SLCO2A1: variants seen among roughly 807,000 people sequenced by gnomAD.
The protein encoded by SLCO2A1 is solute carrier organic anion transporter family member 2A1.
In SLCO2A1, 60 loss-of-function variants were observed where a neutral mutation model predicts 71.7. The ratio of observed to expected loss-of-function variants is 0.84; its 90% confidence interval spans 0.68 to 1.04. The LOEUF is 1.04. Ranked by LOEUF, SLCO2A1 falls within the 50% of genes least tolerant of loss-of-function variation. The pLI, the probability that SLCO2A1 is intolerant of heterozygous loss-of-function variation, is 0.00. For synonymous variants in SLCO2A1, 308 were observed against 326.7 expected, an observed-to-expected ratio of 0.94 and a Z score of 0.62; for missense variants, 745 against 813.4, an observed-to-expected ratio of 0.92 and a Z score of 1.02.
intron 12 of SLCO2A1, among the ~76,000 whole-genome samples, chr3:133,937,618 G>A (rs949704835): frequency 3.9e-5 from 6 of 152,182 alleles, no homozygotes; most frequent in African/African-American, 1.2e-4. Flanking sequence ...AGTCAGAAAC[G>A]ACACCTTATA....
At chr3:133,946,164 C>A (rs898012329) in intron 9 of SLCO2A1, among the ~76,000 whole-genome samples, 3 of 151,874 alleles carry the variant, frequency 2.0e-5, no homozygotes, top group Admixed American at 2.0e-4. Context: ...AGCTCCCTAC[C>A]CCGAGCAACC....
intron 4 of SLCO2A1, among the ~76,000 whole-genome samples, chr3:133,954,731 TCCTGGAGGTGAGAAACCTGGGG>T: frequency 6.6e-6 from 1 of 152,166 alleles, no homozygotes; most frequent in South Asian, 2.1e-4. Context: ...ATCAGCCTCC[TCCTGGAGGTGAGAAACCTGGGG>T]CCCTGGGGTT....
intron 3 of SLCO2A1, among the ~76,000 whole-genome samples, chr3:133,959,398 A>G (rs745398481): frequency 1.8e-5 from 2 of 111,004 alleles, no homozygotes; most frequent in South Asian, 2.3e-4. Flanking sequence ...GGCTATTACC[A>G]AAAAAAAAAA....
intron 1 of SLCO2A1, among the ~76,000 whole-genome samples, chr3:133,997,641 A>T (rs1296804179): frequency 2.6e-5 from 4 of 152,190 alleles, no homozygotes; most frequent in Non-Finnish European, 5.9e-5. Flanking sequence ...GAAGGAACCA[A>T]CTCTGCCAAC....
chr3:133,966,501 C>A (rs555753670), intron 3 of SLCO2A1, among the ~76,000 whole-genome samples: 3 of 152,196 alleles, frequency 2.0e-5, no homozygotes, highest in Non-Finnish European at 1.5e-5. Flanking sequence ...CAAGAAGAGG[C>A]CAGGAAGGAG....
intron 1 of SLCO2A1, among the ~76,000 whole-genome samples, chr3:134,016,688 A>C (rs1935462040): frequency 6.6e-6 from 1 of 152,210 alleles, no homozygotes; most frequent in African/African-American, 2.4e-5. Flanking sequence ...ACACTTGAGC[A>C]TTTACCCTAG....
intron 3 of SLCO2A1, among the ~76,000 whole-genome samples, chr3:133,955,926 G>T (rs1159910194): frequency 1.3e-5 from 2 of 152,202 alleles, no homozygotes; most frequent in African/African-American, 4.8e-5. Flanking sequence ...CTTCTGTGAG[G>T]GTCCCAGACA....
chr3:133,942,085 C>T (rs1933437932), intron 11 of SLCO2A1, among the ~76,000 whole-genome samples: 1 of 152,230 alleles, frequency 6.6e-6, no homozygotes, highest in African/African-American at 2.4e-5. Flanking sequence ...CCTCCGCCTC[C>T]TGGGTTCAAG....
At chr3:134,026,054 C>T (rs1935695574) in intron 1 of SLCO2A1, among the ~76,000 whole-genome samples, 1 of 152,106 alleles carries the variant, frequency 6.6e-6, no homozygotes. Flanking sequence ...AGAATTAGTA[C>T]CTACAGACCC....
chr3:134,017,876 C>G (rs921072518), intron 1 of SLCO2A1, among the ~76,000 whole-genome samples: 4 of 152,186 alleles, frequency 2.6e-5, no homozygotes, highest in Non-Finnish European at 5.9e-5. Flanking sequence ...GTGCACATCT[C>G]AACGTTCCAA....
At chr3:133,942,540 A>C (rs1933451777) in intron 11 of SLCO2A1, 65 bp downstream of exon 11, 7 of 1,498,032 alleles carry the variant, frequency 4.7e-6, no homozygotes, top group African/African-American at 1.4e-5. Context: ...AACTAGGCGC[A>C]AAGTCAAAGG....
rs111891065 is a variant in SLCO2A1 at position 133,959,825 on chromosome 3, A to AC, written c.398-4633_398-4632insG. Among the ~76,000 whole-genome samples the AC allele has an allele frequency of 2.6e-5, 4 of 152,090 alleles. 1 individual carries two copies. The highest frequency in any genetic ancestry group is 9.6e-5 in the African/African-American group (4 of 41,484). On this transcript the variant is annotated intron_variant, in intron 3 of 13. Transcript: ENST00000310926. ...AGAGTGAGATCTTGTCTCAAAAAAAAATAAATACTAATGGGCCGGGTGCGG... is the reference window on the plus strand; with the variant it reads ...AGAGTGAGATCTTGTCTCAAAAAAAACATAAATACTAATGGGCCGGGTGCGG...
chr3:134,008,210 C>T, intron 1 of SLCO2A1, among the ~76,000 whole-genome samples: 1 of 152,224 alleles, frequency 6.6e-6, no homozygotes, highest in Non-Finnish European at 1.5e-5. Context: ...CTACCCCATT[C>T]TCTCTCACAA....
At chr3:133,952,776 G>A (rs1455078676) in intron 5 of SLCO2A1, among the ~76,000 whole-genome samples, 1 of 152,084 alleles carries the variant, frequency 6.6e-6, no homozygotes, top group Non-Finnish European at 1.5e-5. Context: ...ACTATCATTA[G>A]CTCCATTTTA....
intron 13 of SLCO2A1, among the ~76,000 whole-genome samples, chr3:133,935,545 C>A (rs1933246876): frequency 6.6e-6 from 1 of 152,170 alleles, no homozygotes; most frequent in Admixed American, 6.5e-5. Context: ...TCTGCTGCCC[C>A]TTCCAAGGGC....
chr3:133,942,118 C>T (rs560891861), intron 11 of SLCO2A1, among the ~76,000 whole-genome samples: 2 of 152,346 alleles, frequency 1.3e-5, no homozygotes, highest in African/African-American at 4.8e-5. Context: ...CTCAGCCTCC[C>T]AAGAAGCTGG....
Position 133,955,098 on chromosome 3 carries a change from CCTT to C in SLCO2A1, c.490_492del (p.Lys164del), listed in dbSNP as rs749045232. On this transcript the variant is annotated inframe_deletion, in exon 4 of 14. Transcript: ENST00000310926. ...ATCAGGCCCCACATGCTGCTGGTCT[CCTT>C]CTGGGGGTTCTGGGTGGTGCTGTGG... The C allele has an allele frequency of 1.9e-6, 3 of 1,614,188 alleles. No homozygotes were observed. Among genetic ancestry groups the C allele is most frequent in the East Asian group, 2.2e-5 (1 of 44,884 alleles).
intron 3 of SLCO2A1, among the ~76,000 whole-genome samples, chr3:133,957,392 T>C (rs916739423): frequency 3.9e-5 from 6 of 152,088 alleles, no homozygotes; most frequent in Admixed American, 2.6e-4. Context: ...AAGGTTGTGA[T>C]GTATGTGGTC....
intron 1 of SLCO2A1, among the ~76,000 whole-genome samples, chr3:134,024,339 A>G (rs138383976): frequency 6.6e-6 from 1 of 152,370 alleles, no homozygotes; most frequent in African/African-American, 2.4e-5. Flanking sequence ...ATATCAATTT[A>G]AAGCTTGAAA....
Sources: allele counts gnomAD v4.1 joint callset (sites outside exome capture counted in the v4.1 genomes callset), GRCh38; gene constraint gnomAD v4.1.1; transcripts MANE v1.5; gene names NCBI Gene and HGNC (gene_info 2026-07-23, HGNC 2026-07-21).